KIF16B: variants seen among roughly 807,000 people sequenced by gnomAD.
The protein encoded by KIF16B is kinesin-like protein KIF16B.
Under a neutral mutation model 156.3 loss-of-function variants are expected in KIF16B, and 98 were observed. The observed-to-expected ratio is 0.63, with a 90% CI of 0.53 to 0.74. The LOEUF (loss-of-function observed/expected upper bound fraction) is 0.74. Among genes scored for constraint, KIF16B ranks in the 30% least tolerant of loss-of-function variants. The pLI, the probability that KIF16B is intolerant of heterozygous loss-of-function variation, is 0.00. For synonymous variants in KIF16B, 564 were observed against 583.7 expected (o/e 0.97, Z 0.49); for missense variants, 1,421 against 1,606.5 (o/e 0.88, Z 1.97).
chr20:16,351,988 T>C (rs1484671180), intron 23 of KIF16B, among the ~76,000 whole-genome samples: 1 of 152,196 alleles, frequency 6.6e-6, no homozygotes, highest in African/African-American at 2.4e-5. Context: ...TCCAAAACAT[T>C]ACATTAAAGG....
intron 1 of KIF16B, among the ~76,000 whole-genome samples, chr20:16,553,055 C>T (rs1600685945): frequency 6.6e-6 from 1 of 152,100 alleles, no homozygotes; most frequent in Admixed American, 6.5e-5. Flanking sequence ...CATGAGCCAC[C>T]GTACCCGGCC....
At chr20:16,486,247 A>C (rs1382225073) in intron 12 of KIF16B, among the ~76,000 whole-genome samples, 1 of 152,132 alleles carries the variant, frequency 6.6e-6, no homozygotes, top group Non-Finnish European at 1.5e-5. Context: ...GGTCTACCAC[A>C]TAAGATGCTC....
At chr20:16,283,786 T>A (rs987193711) in intron 25 of KIF16B, among the ~76,000 whole-genome samples, 2 of 151,874 alleles carry the variant, frequency 1.3e-5, no homozygotes, top group African/African-American at 4.8e-5. Context: ...GAAACGAAGG[T>A]GTTAAAAAGG....
At chr20:16,522,256 G>T (rs1266017513) in intron 3 of KIF16B, among the ~76,000 whole-genome samples, 1 of 152,184 alleles carries the variant, frequency 6.6e-6, no homozygotes, top group Non-Finnish European at 1.5e-5. Flanking sequence ...ACCCATTGGT[G>T]TGCTGTATTC....
chr20:16,498,175 C>G (rs938081674), intron 10 of KIF16B, among the ~76,000 whole-genome samples: 1 of 151,968 alleles, frequency 6.6e-6, no homozygotes, highest in South Asian at 2.1e-4. Context: ...TTATCCCTGT[C>G]GAAGAAGTGT....
chr20:16,453,657 A>G (rs568253004), intron 12 of KIF16B, among the ~76,000 whole-genome samples: 6 of 152,226 alleles, frequency 3.9e-5, no homozygotes, highest in Non-Finnish European at 5.9e-5. Context: ...TTATAGGAAC[A>G]TATTTCACGG....
At chr20:16,568,919 T>C (rs907299151) in intron 1 of KIF16B, among the ~76,000 whole-genome samples, 1 of 148,508 alleles carries the variant, frequency 6.7e-6, no homozygotes, top group Non-Finnish European at 1.5e-5. Flanking sequence ...TGCTATGATC[T>C]GAATGTTTGT....
intron 6 of KIF16B, among the ~76,000 whole-genome samples, chr20:16,510,583 A>G (rs766032520): frequency 6.6e-6 from 1 of 152,156 alleles, no homozygotes; most frequent in Non-Finnish European, 1.5e-5. Context: ...CAGGAGACAG[A>G]GGTTGCCATG....
intron 1 of KIF16B, among the ~76,000 whole-genome samples, chr20:16,567,798 CA>C (rs1449554163): frequency 6.6e-6 from 1 of 151,918 alleles, no homozygotes; most frequent in Non-Finnish European, 1.5e-5. Context: ...AAAATACAAA[CA>C]AAATTAGCCG....
At chr20:16,312,452 A>ATGCTATTAAT in intron 24 of KIF16B, 34 bp from the exon 25 acceptor site, 3 of 1,389,408 alleles carry the variant, frequency 2.2e-6, no homozygotes, top group Non-Finnish European at 3.1e-6. Flanking sequence ...ATGCATTAAT[A>ATGCTATTAAT]GCATACCTGT....
At chr20:16,462,843 G>C (rs2067384225) in intron 12 of KIF16B, among the ~76,000 whole-genome samples, 1 of 152,200 alleles carries the variant, frequency 6.6e-6, no homozygotes, top group Non-Finnish European at 1.5e-5. Context: ...GGCTACCTGG[G>C]AGCCAAGCAC....
intron 12 of KIF16B, among the ~76,000 whole-genome samples, chr20:16,480,956 G>A (rs1430656476): frequency 6.6e-6 from 1 of 152,158 alleles, no homozygotes; most frequent in Non-Finnish European, 1.5e-5. Flanking sequence ...CAAGTTATAT[G>A]AACCATTTGA....
At chr20:16,314,308 T>C (rs939771538) in intron 24 of KIF16B, among the ~76,000 whole-genome samples, 7 of 152,222 alleles carry the variant, frequency 4.6e-5, no homozygotes, top group Non-Finnish European at 8.8e-5. Flanking sequence ...ATTCTCCCTT[T>C]TCACTCTCTT....
At chr20:16,519,851 G>C (rs935243385) in intron 3 of KIF16B, among the ~76,000 whole-genome samples, 1 of 152,194 alleles carries the variant, frequency 6.6e-6, no homozygotes, top group Non-Finnish European at 1.5e-5. Context: ...GTTAGACAGT[G>C]GGTGTAGCCC....
intron 12 of KIF16B, among the ~76,000 whole-genome samples, chr20:16,484,061 C>T (rs557732575): frequency 2.8e-4 from 43 of 152,206 alleles, no homozygotes; most frequent in African/African-American, 1.0e-3. Flanking sequence ...CAGTCAGAGC[C>T]CATCAGCGCA....
At chr20:16,536,015 A>G (rs1234517500) in intron 1 of KIF16B, among the ~76,000 whole-genome samples, 1 of 152,242 alleles carries the variant, frequency 6.6e-6, no homozygotes, top group Non-Finnish European at 1.5e-5. Flanking sequence ...AGAAATCAAT[A>G]TATCAAAGGG....
chr20:16,389,168 G>A (rs143733371), intron 17 of KIF16B, among the ~76,000 whole-genome samples: 2 of 152,260 alleles, frequency 1.3e-5, no homozygotes, highest in Middle Eastern at 3.4e-3. Flanking sequence ...CTTTTTCCTA[G>A]GTGACTTTTA....
intron 1 of KIF16B, 39 bp downstream of exon 1, chr20:16,573,190 G>A (rs770260612): frequency 1.4e-5 from 22 of 1,537,128 alleles, no homozygotes; most frequent in Non-Finnish European, 1.9e-5. Context: ...TCTGGGTGGG[G>A]GCGCGACGAG....
chr20:16,479,142 T>C (rs6034491), intron 12 of KIF16B, among the ~76,000 whole-genome samples: 72,187 of 152,028 alleles, frequency 0.47, 18,515 homozygotes, highest in African/African-American at 0.68. Flanking sequence ...GGAACAAATA[T>C]GGTACACATA....
Sources: allele counts gnomAD v4.1 joint callset (sites outside exome capture counted in the v4.1 genomes callset), GRCh38; gene constraint gnomAD v4.1.1; transcripts MANE v1.5; gene names NCBI Gene and HGNC (gene_info 2026-07-23, HGNC 2026-07-21).